IL17RE: variants seen among roughly 807,000 people sequenced by gnomAD.
IL17RE encodes the protein interleukin-17 receptor E.
Under a neutral mutation model 70.7 loss-of-function variants are expected in IL17RE, and 47 were observed. That is an observed-to-expected ratio of 0.67 (90% CI 0.53 to 0.85). The LOEUF is 0.85. Among genes scored for constraint, IL17RE ranks in the 40% least tolerant of loss-of-function variants. IL17RE has a pLI of 0.00. For missense variants in IL17RE, 850 were observed against 893.9 expected (o/e 0.95, Z 0.63); for synonymous variants, 372 against 381.2 (o/e 0.98, Z 0.28).
At chr3:9,908,466 A>G (rs1417850840) in intron 7 of IL17RE, among the ~76,000 whole-genome samples, 159 bp downstream of exon 7, 1 of 152,372 alleles carries the variant, frequency 6.6e-6, no homozygotes, top group African/African-American at 2.4e-5. Flanking sequence ...TGAGCCACAC[A>G]TGGGGTCAGA....
chr3:9,911,764 C>T, intron 12 of IL17RE, 167 bp downstream of exon 12: 1 of 605,892 alleles, frequency 1.7e-6, no homozygotes, highest in South Asian at 2.5e-5. Flanking sequence ...AACTTGCTGA[C>T]AGTAGGTTCC....
rs1432239927 is a variant in IL17RE at position 9,910,940 on chromosome 3, T to C, written c.878T>C (p.Leu293Pro). ...QHTQMVMALT[L>P]RCPLKLEAAL... ...ACTCAGATGGTCATGGCCCTGACAC[T>C]CCGCTGCCCACTGAAGCTGGAAGCT... Residue 293 changes from leucine (L) to proline (P), a missense_variant, in exon 9 of 16, where the codon CTC (leucine) becomes CCC (proline). Coordinates refer to ENST00000383814, the MANE Select transcript of IL17RE (RefSeq NM_153480.2). 6.2e-7 allele frequency: 1 copy of C among 1,614,088 alleles called. No homozygotes were observed. Among genetic ancestry groups the C allele is most frequent in the Non-Finnish European group, 8.5e-7 (1 of 1,180,008 alleles).
chr3:9,902,793 G>A, upstream of IL17RE: 2 of 1,552,958 alleles, frequency 1.3e-6, no homozygotes, highest in Non-Finnish European at 1.7e-6. Context: ...TCAAGGAGGA[G>A]CTTTCGGGCA....
intron 8 of IL17RE, chr3:9,909,536 G>C: frequency 4.0e-6 from 2 of 501,690 alleles, no homozygotes; most frequent in South Asian, 5.6e-5. Flanking sequence ...GAAATATGAG[G>C]CCTAGGAGAT....
chr3:9,902,926 GA>G lies in IL17RE; in HGVS notation c.-5del, dbSNP rs2082668784. ...ATGTTCCGGGAGCCCTAATTGCACAGAAGCCCATGGGGAGCTCCAGACTGGC... is the reference window on the plus strand; with the variant it reads ...ATGTTCCGGGAGCCCTAATTGCACAGAGCCCATGGGGAGCTCCAGACTGGC... On this transcript the variant is annotated 5_prime_UTR_variant, in exon 1 of 16. Transcript: ENST00000383814. 1 of 1,614,126 alleles carries G rather than the reference GA, an allele frequency of 6.2e-7. No individual in the cohort carries two copies. Among genetic ancestry groups the G allele is most frequent in the Non-Finnish European group, 8.5e-7 (1 of 1,180,042 alleles).
intron 1 of IL17RE, 51 bp from the exon 2 acceptor site, chr3:9,903,346 T>C: frequency 6.2e-7 from 1 of 1,605,026 alleles, no homozygotes; most frequent in Non-Finnish European, 8.5e-7. Flanking sequence ...TGGGAGTCTC[T>C]CCTAATAATA....
At position 9,916,119 on chromosome 3, in the gene IL17RE, T is replaced by C. The variant is rs1045339066; in HGVS notation, c.*312T>C. The C allele has an allele frequency of 3.1e-5, 9 of 285,768 alleles. No individual in the cohort carries two copies. Among genetic ancestry groups the C allele is most frequent in the Admixed American group, 1.1e-4 (2 of 18,664 alleles). The allele number at this position is 285,768 out of a possible 1,614,324, so 17.7% of individuals were successfully genotyped here. Reference sequence around the variant, plus strand: ...TATGCTTCAGTCCAGGCTGGAGAGGTTGGGGCCGGGGTAGGGAGGCAGGAG... The same window carrying C: ...TATGCTTCAGTCCAGGCTGGAGAGGCTGGGGCCGGGGTAGGGAGGCAGGAG... On this transcript the variant is annotated 3_prime_UTR_variant, in exon 16 of 16. Transcript: ENST00000383814.
chr3:9,904,577 G>C (rs2082709562), intron 3 of IL17RE, among the ~76,000 whole-genome samples: 1 of 152,150 alleles, frequency 6.6e-6, no homozygotes, highest in Non-Finnish European at 1.5e-5. Context: ...CTGAGGTCAG[G>C]AATTCGAGAC....
Position 9,915,725 on chromosome 3 carries a change from G to T in IL17RE, c.1922G>T (p.Gly641Val). ...GAGGCCACCAGCTGGGGCCGCCTTG[G>T]GGCGCGGCAGCGCAGGCAGAGCCGC... is the stretch of plus-strand genomic sequence containing the variant. ...FAEATSWGRL[G>V]ARQRRQSRLE... The change falls in exon 16 of 16, where the codon GGG (glycine) becomes GTG (valine). Residue 641 changes from glycine to valine, a missense_variant. Physicochemically the swap from Gly to Val is moderately radical, Grantham distance 109 (BLOSUM62 -3). Coordinates refer to ENST00000383814, the MANE Select transcript of IL17RE (RefSeq NM_153480.2). This position sits in a 1 kb window ranked among gnomAD's most constrained non-coding sequence, Gnocchi z 4.9. 1 of 1,439,452 alleles carries T rather than the reference G, an allele frequency of 6.9e-7. No individual in the cohort carries two copies. Among genetic ancestry groups the T allele is most frequent in the Non-Finnish European group, 9.0e-7 (1 of 1,109,634 alleles). 89.2% of individuals were successfully genotyped at this position (1,439,452 alleles called of 1,614,324 possible).
In IL17RE at chr3:9,915,297, G is replaced by A. The variant is rs1323639899; in HGVS notation, c.1494G>A (p.Ser498=). ...TGCTCCTCCTGCACGCGGCGGACTCGGAGGCGCAGCGGCGCCTGGTGGGAG... is the reference window on the plus strand; with the variant it reads ...TGCTCCTCCTGCACGCGGCGGACTCAGAGGCGCAGCGGCGCCTGGTGGGAG... ...RPVLLLHAAD[S]EAQRRLVGAL... The change falls in exon 16 of 16, where the codon TCG becomes TCA. Residue 498 remains serine, a synonymous_variant. Transcript: ENST00000383814. This position sits in a 1 kb window ranked among gnomAD's most constrained non-coding sequence, Gnocchi z 4.9. The A allele has an allele frequency of 7.1e-7, 1 of 1,400,322 alleles. No homozygotes were observed. 86.7% of individuals were successfully genotyped at this position (1,400,322 alleles called of 1,614,324 possible).
At position 9,909,105 on chromosome 3, in the gene IL17RE, C is replaced by T. The variant is rs370723455; in HGVS notation, c.736-112C>T. 9.9e-5 allele frequency: 85 copies of T among 860,966 alleles called. 2 individuals are homozygous for T. The South Asian group carries it at 1.3e-3, about 13-fold the overall frequency. The allele number at this position is 860,966 out of a possible 1,614,324, so 53.3% of individuals were successfully genotyped here. On this transcript the variant is annotated intron_variant, in intron 7 of 15. Transcript: ENST00000383814. ...CCCCTCCTGCTCGGTCAGTGCCTGG[C>T]CAGCTCAGGCAGCTTGCGTCACAGT...
At chr3:9,910,832 G>A (rs767978602) in intron 8 of IL17RE, 33 bp from the exon 9 acceptor site, 2 of 1,601,922 alleles carry the variant, frequency 1.2e-6, no homozygotes, top group South Asian at 2.2e-5. Context: ...AAGCAGGGCT[G>A]ACCCTCACCC....
intron 3 of IL17RE, among the ~76,000 whole-genome samples, chr3:9,904,748 T>G (rs1424077452): frequency 2.0e-5 from 3 of 150,696 alleles, no homozygotes; most frequent in Non-Finnish European, 3.0e-5. Flanking sequence ...CATCATGCCA[T>G]TGCACTCCAG....
intron 3 of IL17RE, 101 bp from the exon 4 acceptor site, chr3:9,906,263 T>A (rs1261475740): frequency 2.0e-6 from 1 of 504,608 alleles, no homozygotes; most frequent in Non-Finnish European, 3.4e-6. Context: ...AATAAATAAA[T>A]AAATAAAATA....
chr3:9,905,235 C>A (rs1458005101), intron 3 of IL17RE, among the ~76,000 whole-genome samples: 1 of 151,426 alleles, frequency 6.6e-6, no homozygotes, highest in Non-Finnish European at 1.5e-5. Context: ...GCGGGCAGAT[C>A]ACCTGAGGTC....
At chr3:9,908,421 T>C (rs1286378764) in intron 7 of IL17RE, 114 bp downstream of exon 7, 3 of 876,220 alleles carry the variant, frequency 3.4e-6, no homozygotes, top group Admixed American at 2.1e-5. Flanking sequence ...TGAGTGTTAC[T>C]GGCATGCTTA....
At chr3:9,907,768 T>A (rs1559270406) in intron 6 of IL17RE, among the ~76,000 whole-genome samples, 1 of 152,212 alleles carries the variant, frequency 6.6e-6, no homozygotes, top group East Asian at 1.9e-4. Context: ...GAGAGTGATA[T>A]GTCTCCCATT....
Position 9,915,888 on chromosome 3 carries a change from C to T in IL17RE, c.*81C>T. 7.0e-7 allele frequency: 1 copy of T among 1,422,172 alleles called. No individual in the cohort carries two copies. Among genetic ancestry groups the T allele is most frequent in the Non-Finnish European group, 9.1e-7 (1 of 1,094,414 alleles). 88.1% of individuals were successfully genotyped at this position (1,422,172 alleles called of 1,614,324 possible). On this transcript the variant is annotated 3_prime_UTR_variant, in exon 16 of 16. Coordinates refer to ENST00000383814, the MANE Select transcript of IL17RE (RefSeq NM_153480.2). The surrounding 1 kb of genome is among the most constrained non-coding windows in gnomAD (Gnocchi z 4.9). ...TGGAACCCCGGAATGAGCCTTCGACCCTGAAATCCTTGGGGTGCCTCGAGG... is the reference window on the plus strand; with the variant it reads ...TGGAACCCCGGAATGAGCCTTCGACTCTGAAATCCTTGGGGTGCCTCGAGG...
Position 9,915,557 on chromosome 3 carries a change from C to T in IL17RE, c.1754C>T (p.Pro585Leu). Residue 585 changes from proline (P) to leucine (L), a missense_variant, in exon 16 of 16, where the codon CCG becomes CTG. Coordinates refer to ENST00000383814, the MANE Select transcript of IL17RE (RefSeq NM_153480.2). The surrounding 1 kb of genome is among the most constrained non-coding windows in gnomAD (Gnocchi z 4.9). Reference sequence around the variant, plus strand: ...CTGCTCGCCCTGCTCCACGCTGCCCCGCGCCCGCTGCTGCTGCTCGCTTAC... The same window carrying T: ...CTGCTCGCCCTGCTCCACGCTGCCCTGCGCCCGCTGCTGCTGCTCGCTTAC... ...APLLALLHAAPRPLLLLAYFS... is the reference protein window; with the variant it reads ...APLLALLHAALRPLLLLAYFS... 7.1e-7 allele frequency: 1 copy of T among 1,407,270 alleles called. No homozygotes were observed. Among genetic ancestry groups the T allele is most frequent in the Non-Finnish European group, 9.2e-7 (1 of 1,083,034 alleles). The allele number at this position is 1,407,270 out of a possible 1,614,324, so 87.2% of individuals were successfully genotyped here.
Sources: gnomAD v4.1 joint callset for allele counts (sites outside exome capture counted in the v4.1 genomes callset) on GRCh38, gnomAD v4.1.1 for gene constraint, Gnocchi (gnomAD v3.1) non-coding constraint, MANE v1.5 for transcripts, NCBI Gene and HGNC (gene_info 2026-07-23, HGNC 2026-07-21) for gene names.